Variants in MID1 observed in about 807,000 individuals in gnomAD.
MID1 encodes E3 ubiquitin-protein ligase Midline-1.
Under a neutral mutation model 40.4 loss-of-function variants are expected in MID1, and 7 were observed. The ratio of observed to expected loss-of-function variants is 0.17; its 90% CI spans 0.10 to 0.33. The LOEUF (loss-of-function observed/expected upper bound fraction) is 0.33, where lower values mean the gene tolerates loss of function less well. MID1 is among the 10% of genes least tolerant of loss of function. The probability of loss-of-function intolerance (pLI) is 1.00; values close to 1 mark genes in which losing one functional copy is unlikely to be tolerated. For synonymous variants in MID1, 229 were observed against 221.2 expected, an observed-to-expected ratio of 1.04 and a Z score of -0.31; for missense variants, 367 against 558.5, an observed-to-expected ratio of 0.66 and a Z score of 3.46.
Position 10,816,795 on chromosome X carries a change from T to A in MID1, c.-187+16759A>T, listed in dbSNP as rs770430512. On this transcript the variant is annotated intron_variant, in intron 1 of 10. Coordinates refer to the MID1 transcript ENST00000380785. ...ATTGTTTAAGAAACATCATTACCTA[T>A]AAAATGGAACTTGAGAGCATGTTTG... Among the ~76,000 whole-genome samples, 6 of 112,238 alleles carry A rather than the reference T, an allele frequency of 5.3e-5. No individual in the cohort carries two copies. In the East Asian group the frequency reaches 1.7e-3, roughly 31 times the overall value.
intron 9 of MID1, among the ~76,000 whole-genome samples, chrX:10,450,985 GTCTTTAATAAAATGACAT>G (rs1337456864): frequency 9.0e-6 from 1 of 111,612 alleles, no homozygotes; most frequent in Non-Finnish European, 1.9e-5. Context: ...AATTTCATGG[GTCTTTAATAAAATGACAT>G]TCTTTAAAAA....
intron 1 of MID1, among the ~76,000 whole-genome samples, chrX:10,777,180 G>A (rs1023498353): frequency 1.1e-4 from 12 of 111,710 alleles, no homozygotes; most frequent in African/African-American, 3.6e-4. Context: ...GAGAAGTTAC[G>A]TACTTATTTT....
intron 1 of MID1, among the ~76,000 whole-genome samples, chrX:10,760,806 G>A (rs964601369): frequency 9.0e-6 from 1 of 111,364 alleles, no homozygotes; most frequent in Non-Finnish European, 1.9e-5. Context: ...TAGCCTGAAC[G>A]ACACAGCAAA....
chrX:10,624,915 C>T (rs1387830535), upstream of MID1, among the ~76,000 whole-genome samples: 2 of 112,070 alleles, frequency 1.8e-5, no homozygotes, highest in Non-Finnish European at 3.8e-5. Flanking sequence ...TTGTTATATC[C>T]TCCTCCTGTG....
chrX:10,752,311 C>A (rs2043605042), intron 1 of MID1, among the ~76,000 whole-genome samples: 1 of 111,524 alleles, frequency 9.0e-6, no homozygotes, highest in South Asian at 3.8e-4. Context: ...TCCAAAGAAG[C>A]CAAGGTAAGA....
chrX:10,817,753 G>A (rs1344097964), intron 1 of MID1, among the ~76,000 whole-genome samples: 1 of 107,879 alleles, frequency 9.3e-6, no homozygotes, highest in Non-Finnish European at 1.9e-5. Context: ...CTGAGTAGCT[G>A]GGAATACAGG....
chrX:10,650,600 T>C (rs1936306965), intron 1 of MID1, among the ~76,000 whole-genome samples: 1 of 111,631 alleles, frequency 9.0e-6, no homozygotes. Flanking sequence ...GACCATTGTA[T>C]GTTCTTCAAG....
intron 1 of MID1, among the ~76,000 whole-genome samples, chrX:10,699,618 G>T (rs1027170052): frequency 9.0e-6 from 1 of 111,331 alleles, no homozygotes; most frequent in Non-Finnish European, 1.9e-5. Flanking sequence ...CCTTTTTCCT[G>T]AGTAATTATG....
intron 1 of MID1, among the ~76,000 whole-genome samples, chrX:10,746,291 C>G (rs907400714): frequency 1.3e-4 from 15 of 111,544 alleles, no homozygotes; most frequent in Admixed American, 3.8e-4. Flanking sequence ...TTGTACTCCT[C>G]GAGATCTCAA....
chrX:10,650,855 G>A (rs1369763840), intron 1 of MID1, among the ~76,000 whole-genome samples: 1 of 110,475 alleles, frequency 9.1e-6, no homozygotes, highest in Non-Finnish European at 1.9e-5. Flanking sequence ...CTTTCCCTTT[G>A]CCCCTACAAC....
At chrX:10,526,127 C>T (rs928348381) in intron 2 of MID1, among the ~76,000 whole-genome samples, 1 of 112,029 alleles carries the variant, frequency 8.9e-6, no homozygotes, top group African/African-American at 3.2e-5. Context: ...TCAATTCTGT[C>T]TTGGAATCAC....
chrX:10,644,133 AC>A (rs1446720410), intron 1 of MID1, among the ~76,000 whole-genome samples: 3 of 111,666 alleles, frequency 2.7e-5, no homozygotes, highest in Non-Finnish European at 5.6e-5. Context: ...GTGCACATGT[AC>A]CCTAGAACTT....
chrX:10,809,018 A>G (rs1358569507), intron 1 of MID1, among the ~76,000 whole-genome samples: 1 of 111,973 alleles, frequency 8.9e-6, no homozygotes, highest in Admixed American at 9.5e-5. Context: ...AAAATTTTGC[A>G]ATCTACTCAT....
intron 4 of MID1, among the ~76,000 whole-genome samples, chrX:10,490,236 A>G (rs961949796): frequency 9.0e-6 from 1 of 111,655 alleles, no homozygotes; most frequent in Non-Finnish European, 1.9e-5. Context: ...TGTAGTTTTC[A>G]AGGTCTTTCA....
chrX:10,604,371 A>G (rs759771985), intron 1 of MID1, among the ~76,000 whole-genome samples: 24 of 112,006 alleles, frequency 2.1e-4, no homozygotes, highest in African/African-American at 7.8e-4. Context: ...TACTTTTTAC[A>G]AGAAAATAAT....
chrX:10,522,507 T>G (rs1303766832), intron 3 of MID1, among the ~76,000 whole-genome samples: 1 of 111,878 alleles, frequency 8.9e-6, no homozygotes, highest in Non-Finnish European at 1.9e-5. Flanking sequence ...ATACAATACC[T>G]TTTTTTTGAG....
At chrX:10,730,079 A>G (rs1402954643) in intron 1 of MID1, among the ~76,000 whole-genome samples, 3 of 102,941 alleles carry the variant, frequency 2.9e-5, no homozygotes, top group Non-Finnish European at 5.9e-5. Flanking sequence ...GCGAGACTCC[A>G]TCTCAAAAAA....
At chrX:10,550,797 C>T (rs1289844232) in intron 2 of MID1, among the ~76,000 whole-genome samples, 2 of 111,164 alleles carry the variant, frequency 1.8e-5, no homozygotes, top group Non-Finnish European at 3.8e-5. Flanking sequence ...GGCCTTGACC[C>T]ATTGTGCGCC....
chrX:10,714,580 C>A (rs1381797631), intron 1 of MID1, among the ~76,000 whole-genome samples: 1 of 112,819 alleles, frequency 8.9e-6, no homozygotes, highest in Non-Finnish European at 1.9e-5. Flanking sequence ...GAATCTGGAA[C>A]ATTTTAATAT....
Sources: gnomAD v4.1 joint callset for allele counts (sites outside exome capture counted in the v4.1 genomes callset) on GRCh38, gnomAD v4.1.1 for gene constraint, MANE v1.5 for transcripts, NCBI Gene and HGNC (gene_info 2026-07-23, HGNC 2026-07-21) for gene names.